SUFU: variants seen among roughly 807,000 people sequenced by gnomAD.
The protein encoded by SUFU is SUFU negative regulator of hedgehog signaling.
A neutral mutation model predicts 58.9 loss-of-function variants in SUFU; 7 were observed. The ratio of observed to expected loss-of-function variants is 0.12; its 90% confidence interval spans 0.07 to 0.22. The LOEUF is 0.22. Ranked by LOEUF, SUFU falls within the 10% of genes least tolerant of loss-of-function variation. The pLI is 1.00. For synonymous variants in SUFU, 232 were observed against 254.8 expected (o/e 0.91, Z 0.85); for missense variants, 451 against 641.3 (o/e 0.70, Z 3.20).
chr10:102,536,659 GCC>G (rs2062743845), intron 2 of SUFU, among the ~76,000 whole-genome samples: 1 of 152,030 alleles, frequency 6.6e-6, no homozygotes, highest in Non-Finnish European at 1.5e-5. Flanking sequence ...ACCATGCCTG[GCC>G]TGCATTTTCT....
At chr10:102,601,880 C>T (rs1035891809) in intron 8 of SUFU, among the ~76,000 whole-genome samples, 2 of 152,220 alleles carry the variant, frequency 1.3e-5, no homozygotes, top group Non-Finnish European at 2.9e-5. Flanking sequence ...CATATTTTGT[C>T]TGCGGGTCTG....
chr10:102,545,918 G>A (rs2062850076), intron 2 of SUFU, among the ~76,000 whole-genome samples: 1 of 152,210 alleles, frequency 6.6e-6, no homozygotes, highest in South Asian at 2.1e-4. Flanking sequence ...AGGCTGCAGT[G>A]AGCTGTGATC....
chr10:102,536,001 C>G (rs1267452695), intron 2 of SUFU, among the ~76,000 whole-genome samples: 1 of 152,082 alleles, frequency 6.6e-6, no homozygotes, highest in East Asian at 1.9e-4. Flanking sequence ...GAGTCTTGCT[C>G]TGTCTCGCTT....
chr10:102,586,741 C>T (rs1327628529), intron 3 of SUFU, among the ~76,000 whole-genome samples: 2 of 152,210 alleles, frequency 1.3e-5, no homozygotes, highest in East Asian at 3.8e-4. Flanking sequence ...TCTAAGTGTA[C>T]AGTTCTGTGA....
At position 102,619,459 on chromosome 10, in the gene SUFU, CTCAA is replaced by C. The variant is rs1216049367; in HGVS notation, c.1296+2036_1296+2039del. On this transcript the variant is annotated intron_variant, in intron 10 of 11. Transcript: ENST00000369902. This position sits in a 1 kb window ranked among gnomAD's most constrained non-coding sequence, Gnocchi z 4.2. ...AATAAAGTTGCTGTGCTGGGAGCTA[CTCAA>C]TCAAAGGCCTGTGTTATGGGCTCAT... 1.3e-5 allele frequency: 17 copies of C among 1,281,818 alleles called. 1 individual carries two copies. In the East Asian group the frequency reaches 5.4e-4, roughly 40 times the overall value. The allele number at this position is 1,281,818 out of a possible 1,614,324, so 79.4% of individuals were successfully genotyped here. A position where few individuals can be genotyped will look rare whatever the true frequency, so the allele number is the denominator to read the frequency against.
intron 8 of SUFU, among the ~76,000 whole-genome samples, chr10:102,609,269 A>G (rs1030560270): frequency 7.8e-6 from 1 of 128,106 alleles, no homozygotes; most frequent in African/African-American, 2.9e-5. Flanking sequence ...CCAGCACCAT[A>G]GTCTGTGCTC....
At chr10:102,541,874 A>G (rs1333468206) in intron 2 of SUFU, among the ~76,000 whole-genome samples, 1 of 94,930 alleles carries the variant, frequency 1.1e-5, no homozygotes, top group Non-Finnish European at 2.1e-5. Context: ...ATGCCCGGCT[A>G]ATTTTTTTTT....
rs953658869 is a variant in SUFU at position 102,628,119 on chromosome 10, G to A, written c.1365+876G>A. Among the ~76,000 whole-genome samples, 4 of 152,070 alleles carry A rather than the reference G, an allele frequency of 2.6e-5. No homozygotes were observed. Among genetic ancestry groups the A allele is most frequent in the Non-Finnish European group, 4.4e-5 (3 of 68,002 alleles). ...AATGTGCTTGGGGGAGAACTCCTTC[G>A]CCTCCCAGGGGCCAGGCTTTCTACC... On this transcript the variant is annotated intron_variant, in intron 11 of 11. Coordinates refer to ENST00000369902, the MANE Select transcript of SUFU (RefSeq NM_016169.4). This position sits in a 1 kb window ranked among gnomAD's most constrained non-coding sequence, Gnocchi z 4.5.
At position 102,628,459 on chromosome 10, in the gene SUFU, T is replaced by TC; in HGVS notation, c.1365+1219dup. 6.6e-6 allele frequency among the ~76,000 whole-genome samples: 1 copy of TC among 152,168 alleles called. No homozygotes were observed. Among genetic ancestry groups the TC allele is most frequent in the East Asian group, 1.9e-4 (1 of 5,170 alleles). On this transcript the variant is annotated intron_variant, in intron 11 of 11. Coordinates refer to ENST00000369902, the MANE Select transcript of SUFU (RefSeq NM_016169.4). This position sits in a 1 kb window ranked among gnomAD's most constrained non-coding sequence, Gnocchi z 4.5. ...CCCCCACAAGTCACTGGTCCCTGAGTCCCAGCTCCCCATTCAGTCAGACCA... is the reference window on the plus strand; with the variant it reads ...CCCCCACAAGTCACTGGTCCCTGAGTCCCCAGCTCCCCATTCAGTCAGACCA...
rs771685480 is a variant in SUFU, at chr10:102,551,717, CTT to C, written c.454+1634_454+1635del. 2.7e-3 allele frequency among the ~76,000 whole-genome samples: 184 copies of C among 68,728 alleles called. 2 individuals are homozygous for C. Among genetic ancestry groups the C allele is most frequent in the Middle Eastern group, 0.011 (1 of 90 alleles). The allele number at this position is 68,728 out of a possible 152,430, so 45.1% of individuals were successfully genotyped here. ...GGAACAAATTATTATTATGTGCCTTCTTTTTTTTTTTTTTTTTTTTTTTTGGA... is the reference window on the plus strand; with the variant it reads ...GGAACAAATTATTATTATGTGCCTTCTTTTTTTTTTTTTTTTTTTTTTGGA... On this transcript the variant is annotated intron_variant, in intron 3 of 11. Coordinates refer to ENST00000369902, the MANE Select transcript of SUFU (RefSeq NM_016169.4).
At chr10:102,589,158 G>T (rs1189113505) in intron 3 of SUFU, among the ~76,000 whole-genome samples, 1 of 152,028 alleles carries the variant, frequency 6.6e-6, no homozygotes, top group Non-Finnish European at 1.5e-5. Flanking sequence ...TAACTGCCAG[G>T]CTCAAGCAAT....
intron 3 of SUFU, among the ~76,000 whole-genome samples, chr10:102,563,396 C>T (rs2063058147): frequency 1.3e-5 from 2 of 151,924 alleles, no homozygotes; most frequent in African/African-American, 2.4e-5. Flanking sequence ...GAGGGAGAGG[C>T]GAGGGCTCAG....
intron 3 of SUFU, among the ~76,000 whole-genome samples, chr10:102,570,229 G>A (rs1294674365): frequency 1.5e-5 from 1 of 65,004 alleles, no homozygotes; most frequent in Non-Finnish European, 2.9e-5. Flanking sequence ...CGAACCGAGA[G>A]AATATTTATT....
chr10:102,502,831 TGC>T (rs1564653425), upstream of SUFU: 44 of 609,316 alleles, frequency 7.2e-5, no homozygotes, highest in Non-Finnish European at 1.2e-4. Flanking sequence ...CTTGCTTTGT[TGC>T]CCGCCTAGTT....
chr10:102,593,228 C>T (rs1258432357), intron 4 of SUFU, among the ~76,000 whole-genome samples: 3 of 152,174 alleles, frequency 2.0e-5, no homozygotes, highest in Non-Finnish European at 2.9e-5. Flanking sequence ...GTGGTGGTTC[C>T]AAGCCTGATA....
At chr10:102,583,016 A>G (rs1056069124) in intron 3 of SUFU, among the ~76,000 whole-genome samples, 2 of 152,152 alleles carry the variant, frequency 1.3e-5, no homozygotes, top group Non-Finnish European at 2.9e-5. Flanking sequence ...TAACTGAGAC[A>G]TTATTAGCAT....
chr10:102,599,463 G>C lies in SUFU; in HGVS notation c.941G>C (p.Arg314Thr), dbSNP rs369741612. Residue 314 changes from arginine (R) to threonine (T), a missense_variant, in exon 8 of 12, where the codon AGA (arginine) becomes ACA (threonine). Physicochemically the swap from Arg to Thr is moderately conservative, Grantham distance 71. Transcript: ENST00000369902. ...DTEQIRETLRRGLEINSKPVL... is the reference protein window; with the variant it reads ...DTEQIRETLRTGLEINSKPVL... The stretch of plus-strand genomic sequence containing the variant: ...GAGCAGATCCGGGAGACCCTGAGGA[G>C]AGGACTCGAGATCAACAGCAAACCT... The C allele has an allele frequency of 6.2e-7, 1 of 1,614,164 alleles. No homozygotes were observed. The highest frequency in any genetic ancestry group is 8.5e-7 in the Non-Finnish European group (1 of 1,180,028).
At chr10:102,540,479 C>G (rs758253449) in intron 2 of SUFU, among the ~76,000 whole-genome samples, 27 of 141,776 alleles carry the variant, frequency 1.9e-4, no homozygotes, top group Admixed American at 2.8e-4. Context: ...GGTGAAACCC[C>G]GTCTCTACCA....
chr10:102,602,139 G>A (rs1222243515), intron 8 of SUFU, among the ~76,000 whole-genome samples: 1 of 152,158 alleles, frequency 6.6e-6, no homozygotes, highest in African/African-American at 2.4e-5. Flanking sequence ...ACTATGTGCT[G>A]CCATTCATTT....
Sources: gnomAD v4.1 joint callset for allele counts (sites outside exome capture counted in the v4.1 genomes callset) on GRCh38, gnomAD v4.1.1 for gene constraint, Gnocchi (gnomAD v3.1) non-coding constraint, MANE v1.5 for transcripts, NCBI Gene and HGNC (gene_info 2026-07-23, HGNC 2026-07-21) for gene names.